The following XKR6 variants were observed in gnomAD, a reference collection of about 807,000 sequenced individuals.
The protein encoded by XKR6 is XK related 6, also known as XK-related protein 6.
XKR6 carries 22 observed loss-of-function variants against 56.7 expected under a neutral mutation model. That is an observed-to-expected ratio of 0.39 (90% CI 0.28 to 0.55). XKR6 has a LOEUF of 0.55. XKR6 is among the 20% of genes least tolerant of loss of function. The pLI, the probability that XKR6 is intolerant of heterozygous loss-of-function variation, is 0.66. For missense variants in XKR6, 852 were observed against 889.0 expected (o/e 0.96, Z 0.53); for synonymous variants, 524 against 387.8 (o/e 1.35, Z -4.13).
At chr8:10,929,179 A>T (rs904684278) in intron 1 of XKR6, among the ~76,000 whole-genome samples, 1 of 152,216 alleles carries the variant, frequency 6.6e-6, no homozygotes, top group African/African-American at 2.4e-5. Context: ...AGGATGGCCT[A>T]GCATCTTTAT....
intron 1 of XKR6, among the ~76,000 whole-genome samples, chr8:10,964,577 G>A (rs1421628810): frequency 1.3e-5 from 2 of 152,144 alleles, no homozygotes; most frequent in South Asian, 4.1e-4. Flanking sequence ...GGGGCATTTG[G>A]ACAACATCCT....
Position 11,201,031 on chromosome 8 carries a change from G to C in XKR6, c.309C>G (p.Ala103=), listed in dbSNP as rs1410070598. The change falls in exon 1 of 3, where the codon GCC becomes GCG. Residue 103 remains alanine (A), a synonymous_variant. Coordinates refer to ENST00000416569, the MANE Select transcript of XKR6 (RefSeq NM_173683.4). ...QPLQPPAAPG[A]GRQPPTPSAA... Reference sequence around the variant, plus strand: ...CCGAGGGCGTCGGGGGTTGGCGGCCGGCGCCGGGGGCCGCGGGAGGCTGCA... The same window carrying C: ...CCGAGGGCGTCGGGGGTTGGCGGCCCGCGCCGGGGGCCGCGGGAGGCTGCA... 1.7e-6 allele frequency: 2 copies of C among 1,200,086 alleles called. No homozygotes were observed. Among genetic ancestry groups the C allele is most frequent in the Non-Finnish European group, 2.1e-6 (2 of 971,712 alleles). The allele number at this position is 1,200,086 out of a possible 1,614,324, so 74.3% of individuals were successfully genotyped here.
At chr8:11,108,321 C>G (rs972601792) in intron 1 of XKR6, 1 of 456,040 alleles carries the variant, frequency 2.2e-6, no homozygotes, top group African/African-American at 2.0e-5. Flanking sequence ...TGTTATGAAA[C>G]AACAGAATCC....
intron 1 of XKR6, among the ~76,000 whole-genome samples, chr8:10,998,937 A>C (rs1016510588): frequency 6.6e-6 from 1 of 152,228 alleles, no homozygotes; most frequent in Admixed American, 6.5e-5. Context: ...GTGTAGCCTG[A>C]GAATCAAACC....
intron 2 of XKR6, among the ~76,000 whole-genome samples, chr8:10,912,882 G>A (rs1440931864): frequency 6.6e-6 from 1 of 150,708 alleles, no homozygotes; most frequent in Admixed American, 6.6e-5. Flanking sequence ...GAGAAAGAGG[G>A]TGTGTGTGTT....
intron 1 of XKR6, among the ~76,000 whole-genome samples, chr8:11,144,523 G>C (rs367994165): frequency 6.6e-6 from 1 of 151,988 alleles, no homozygotes; most frequent in Non-Finnish European, 1.5e-5. Flanking sequence ...CGCAGGCACA[G>C]GATGGCGCTA....
intron 1 of XKR6, among the ~76,000 whole-genome samples, chr8:11,139,922 C>G (rs757048906): frequency 2.0e-5 from 3 of 152,026 alleles, no homozygotes; most frequent in Non-Finnish European, 4.4e-5. Flanking sequence ...TCAAACTGAG[C>G]TAAAGTATGT....
intron 1 of XKR6, among the ~76,000 whole-genome samples, chr8:11,196,374 G>A (rs901592651): frequency 2.6e-5 from 4 of 151,992 alleles, no homozygotes; most frequent in South Asian, 2.1e-4. Flanking sequence ...TTGAATTTGC[G>A]AATTCTTTCA....
intron 1 of XKR6, among the ~76,000 whole-genome samples, chr8:11,080,964 G>A (rs1797702581): frequency 6.6e-6 from 1 of 152,196 alleles, no homozygotes; most frequent in Non-Finnish European, 1.5e-5. Flanking sequence ...AAAATTCACA[G>A]GACATATCAA....
intron 1 of XKR6, among the ~76,000 whole-genome samples, chr8:10,957,196 C>T (rs1003738347): frequency 6.6e-6 from 1 of 152,214 alleles, no homozygotes; most frequent in Admixed American, 6.5e-5. Flanking sequence ...GATCATCCAC[C>T]AGCTTCGGCC....
intron 1 of XKR6, among the ~76,000 whole-genome samples, chr8:11,119,384 G>C (rs538916977): frequency 6.6e-6 from 1 of 152,148 alleles, no homozygotes; most frequent in Non-Finnish European, 1.5e-5. Context: ...CTGTCTCGTT[G>C]ATCTGTCTAA....
chr8:11,041,393 T>TA (rs1252239695), intron 1 of XKR6, among the ~76,000 whole-genome samples: 1 of 151,966 alleles, frequency 6.6e-6, no homozygotes, highest in African/African-American at 2.4e-5. Flanking sequence ...CCGTCTCTAC[T>TA]AAAAATACAA....
At chr8:11,137,284 A>C in intron 1 of XKR6, 1 of 265,966 alleles carries the variant, frequency 3.8e-6, no homozygotes, top group Non-Finnish European at 7.3e-6. Flanking sequence ...GCAGTGCTTT[A>C]AGTTTTAATT....
At chr8:11,123,326 A>T (rs996463044) in intron 1 of XKR6, 2 of 152,410 alleles carry the variant, frequency 1.3e-5, no homozygotes. Context: ...GTTGCCAACA[A>T]CAATCTGGTT....
intron 1 of XKR6, among the ~76,000 whole-genome samples, chr8:11,036,520 C>G (rs934415441): frequency 3.9e-5 from 6 of 152,164 alleles, no homozygotes; most frequent in Non-Finnish European, 8.8e-5. Flanking sequence ...CCCAGACTTG[C>G]TACATCAGCA....
intron 2 of XKR6, among the ~76,000 whole-genome samples, chr8:10,904,161 A>G (rs1800120016): frequency 6.6e-6 from 1 of 152,200 alleles, no homozygotes; most frequent in African/African-American, 2.4e-5. Flanking sequence ...AGCTCTGAGC[A>G]GTGACCTTCA....
chr8:11,200,807 C>G lies in XKR6; in HGVS notation c.533G>C (p.Ser178Thr), dbSNP rs147874887. The G allele has an allele frequency of 1.5e-4, 234 of 1,611,702 alleles. No homozygotes were observed. The African/African-American group carries it at 2.0e-3, about 14-fold the overall frequency. ...FVLVPSLLVQ[S>T]LSFRWFVQDY... ...CTGCACGAACCAGCGGAAGCTCAGG[C>G]TCTGCACCAGCAGCGACGGCACCAG... Residue 178 changes from serine (S) to threonine (T), a missense_variant, in exon 1 of 3, where the codon AGC (serine) becomes ACC (threonine). Ser to Thr is a moderately conservative substitution (Grantham distance 58). Around this residue, in one of 4 missense-constraint regions of XKR6, gnomAD observed 417 missense variants for 355.2 expected, o/e 1.17. Coordinates refer to ENST00000416569, the MANE Select transcript of XKR6 (RefSeq NM_173683.4). The surrounding 1 kb of genome is among the most constrained non-coding windows in gnomAD (Gnocchi z 6.4).
At chr8:11,078,804 G>T (rs1271846628) in intron 1 of XKR6, among the ~76,000 whole-genome samples, 1 of 152,162 alleles carries the variant, frequency 6.6e-6, no homozygotes, top group South Asian at 2.1e-4. Flanking sequence ...AGCCCCACAG[G>T]CCTCCAGTCT....
intron 1 of XKR6, among the ~76,000 whole-genome samples, chr8:11,130,932 A>T (rs1162472052): frequency 6.6e-6 from 1 of 152,128 alleles, no homozygotes; most frequent in Non-Finnish European, 1.5e-5. Context: ...TAGATTTTAT[A>T]GTCAAACTAC....
Sources: gnomAD v4.1 joint callset for allele counts (sites outside exome capture counted in the v4.1 genomes callset) on GRCh38, gnomAD v4.1.1 for gene constraint, gnomAD v4.1.1 regional missense constraint, Gnocchi (gnomAD v3.1) non-coding constraint, MANE v1.5 for transcripts, NCBI Gene and HGNC (gene_info 2026-07-23, HGNC 2026-07-21) for gene names.